Variants in ZCWPW1 observed in about 807,000 individuals in gnomAD.
ZCWPW1 encodes the protein zinc finger CW-type PWWP domain protein 1.
ZCWPW1 carries 56 observed loss-of-function variants against 81.3 expected under a neutral mutation model. That is an observed-to-expected ratio of 0.69 (90% confidence interval 0.56 to 0.86). ZCWPW1 has a LOEUF of 0.86. Ranked by LOEUF, ZCWPW1 falls within the 40% of genes least tolerant of loss-of-function variation. The pLI is 0.00. For missense variants in ZCWPW1, 650 were observed against 769.8 expected, an observed-to-expected ratio of 0.84 and a Z score of 1.84; for synonymous variants, 250 against 273.7, an observed-to-expected ratio of 0.91 and a Z score of 0.86.
chr7:100,405,742 G>C, intron 12 of ZCWPW1, among the ~76,000 whole-genome samples: 1 of 152,158 alleles, frequency 6.6e-6, no homozygotes, highest in African/African-American at 2.4e-5. Context: ...AGCAATTCTT[G>C]TGCCTCAGCC....
chr7:100,420,309 A>G (rs987876601), intron 3 of ZCWPW1, among the ~76,000 whole-genome samples: 1 of 152,216 alleles, frequency 6.6e-6, no homozygotes. Flanking sequence ...CTCCTCAATA[A>G]AAATTATAAT....
At chr7:100,426,125 T>G (rs557857659) in intron 1 of ZCWPW1, among the ~76,000 whole-genome samples, 1 of 152,336 alleles carries the variant, frequency 6.6e-6, no homozygotes, top group South Asian at 2.1e-4. Flanking sequence ...CTCAAATCCT[T>G]GGTCTAAGAG....
At chr7:100,401,486 G>C in intron 17 of ZCWPW1, 150 bp from the exon 18 acceptor site, 1 of 815,698 alleles carries the variant, frequency 1.2e-6, no homozygotes, top group Non-Finnish European at 1.8e-6. Context: ...GGATCAGAAA[G>C]AGAGTCAAGC....
chr7:100,406,294 C>T (rs190900635), intron 12 of ZCWPW1, among the ~76,000 whole-genome samples: 7 of 152,186 alleles, frequency 4.6e-5, no homozygotes, highest in Non-Finnish European at 8.8e-5. Flanking sequence ...GGTTAGATGC[C>T]GCTGGAGCCT....
chr7:100,423,132 A>T (rs1796640938), intron 2 of ZCWPW1, among the ~76,000 whole-genome samples: 1 of 152,224 alleles, frequency 6.6e-6, no homozygotes, highest in South Asian at 2.1e-4. Flanking sequence ...ACAGATAAAA[A>T]AAATATGCTA....
chr7:100,420,601 C>T, intron 3 of ZCWPW1, 21 bp downstream of exon 3: 1 of 1,613,950 alleles, frequency 6.2e-7, no homozygotes, highest in Non-Finnish European at 8.5e-7. Context: ...ATGAAGCGAA[C>T]CTCCCTCACT....
chr7:100,418,241 T>C (rs1795715067), intron 5 of ZCWPW1, among the ~76,000 whole-genome samples: 1 of 152,148 alleles, frequency 6.6e-6, no homozygotes, highest in Non-Finnish European at 1.5e-5. Context: ...GCAAAATCGG[T>C]ATTAGAAACT....
intron 6 of ZCWPW1, 38 bp from the exon 7 acceptor site, chr7:100,416,494 A>G: frequency 5.0e-6 from 8 of 1,606,328 alleles, no homozygotes; most frequent in Non-Finnish European, 6.8e-6. Context: ...AGGTAAAAAT[A>G]GAGCAATTGC....
chr7:100,406,996 C>T (rs572330431), intron 11 of ZCWPW1, among the ~76,000 whole-genome samples, 198 bp from the exon 12 acceptor site: 8 of 152,232 alleles, frequency 5.3e-5, no homozygotes, highest in East Asian at 3.9e-4. Flanking sequence ...CTAGCCAAAG[C>T]GTATTTATCA....
At chr7:100,414,357 TTA>T (rs895587978) in intron 8 of ZCWPW1, among the ~76,000 whole-genome samples, 3 of 152,318 alleles carry the variant, frequency 2.0e-5, no homozygotes, top group African/African-American at 7.2e-5. Context: ...TCTTTTTGTA[TTA>T]TGTTTTGTTT....
intron 1 of ZCWPW1, among the ~76,000 whole-genome samples, chr7:100,427,810 C>T (rs1797967006): frequency 6.6e-6 from 1 of 151,956 alleles, no homozygotes; most frequent in African/African-American, 2.4e-5. Context: ...CCTCTCTTCC[C>T]TCACCCCTTA....
In ZCWPW1 at chr7:100,402,431, G is replaced by A. The variant is rs201447962; in HGVS notation, c.1474+85C>T. On this transcript the variant is annotated intron_variant, in intron 16 of 17. Transcript: ENST00000684423. ...AGGTCCTGGCACTGAGATGGGCAGT[G>A]AGGTCCAGCTACCTGCAGACTCCCT... is the stretch of plus-strand genomic sequence containing the variant. The A allele has an allele frequency of 2.1e-4, 297 of 1,430,728 alleles. 2 individuals carry two copies. The highest frequency in any genetic ancestry group is 3.5e-4 in the Middle Eastern group (2 of 5,740). The allele number at this position is 1,430,728 out of a possible 1,614,324, so 88.6% of individuals were successfully genotyped here.
intron 10 of ZCWPW1, among the ~76,000 whole-genome samples, chr7:100,407,617 T>C (rs1307506834): frequency 6.6e-6 from 1 of 152,064 alleles, no homozygotes; most frequent in Admixed American, 6.6e-5. Flanking sequence ...GATCTCAAAC[T>C]CCTGGGTTCA....
rs965155931 is a variant in ZCWPW1 at position 100,420,637 on chromosome 7, A to G, written c.13T>C (p.Leu5=). 17 of 1,614,142 alleles carry G rather than the reference A, an allele frequency of 1.1e-5. No individual in the cohort carries two copies. The highest frequency in any genetic ancestry group is 1.4e-5 in the Non-Finnish European group (17 of 1,180,030). The change falls in exon 3 of 18, where the codon TTG becomes CTG. Residue 5 remains leucine (L), a synonymous_variant. Transcript: ENST00000684423. ...CTTGACTCACCTTCTTTATTCTGCAACGTTGTCATCATTCAGCTTAGAAAC... is the reference window on the plus strand; with the variant it reads ...CTTGACTCACCTTCTTTATTCTGCAGCGTTGTCATCATTCAGCTTAGAAAC... MMTT[L]QNKEECGKGP...
chr7:100,401,115 G>A lies in ZCWPW1; in HGVS notation c.1849C>T (p.Gln617Ter). Residue 617 changes from glutamine (Q) to a stop codon, truncating the protein, a stop_gained, in exon 18 of 18, where the codon CAA (glutamine) becomes TAA (stop). Coordinates refer to ENST00000684423, the MANE Select transcript of ZCWPW1 (RefSeq NM_001386010.1). LOFTEE classifies it low-confidence loss of function (END_TRUNC). ...DEASSDLDLE[Q>*]LMEDVGRELG... ...TCTCTCCCAACATCTTCCATGAGTT[G>A]CTCCAGGTCCAGGTCACTGGAGGCT... The A allele has an allele frequency of 6.2e-7, 1 of 1,614,222 alleles. No individual in the cohort carries two copies.
chr7:100,406,705 G>A lies in ZCWPW1; in HGVS notation c.1162C>T (p.Leu388=). 6.2e-7 allele frequency: 1 copy of A among 1,613,668 alleles called. No individual in the cohort carries two copies. The highest frequency in any genetic ancestry group is 8.5e-7 in the Non-Finnish European group (1 of 1,179,590). The change falls in exon 12 of 18, where the codon CTA becomes TTA. Residue 388 remains leucine, a synonymous_variant. Coordinates refer to ENST00000684423, the MANE Select transcript of ZCWPW1 (RefSeq NM_001386010.1). The part of the protein sequence containing the change: ...LKNFQELSLE[L]SVMKKRRNDC... ...CAAGATGTGCTCACCATGACTGATA[G>A]CTCCAGGGACAGCTCCTGGAAGTTC... is the stretch of plus-strand genomic sequence containing the variant.
At position 100,419,444 on chromosome 7, in the gene ZCWPW1, C is replaced by T. The variant is rs1795954588; in HGVS notation, c.282+186G>A. ...ACCCACCTCATCCCATTATTTCCTGCTCAATTCTTTCATCAAAACATTTTT... is the reference window on the plus strand; with the variant it reads ...ACCCACCTCATCCCATTATTTCCTGTTCAATTCTTTCATCAAAACATTTTT... On this transcript the variant is annotated intron_variant, in intron 4 of 17. Transcript: ENST00000684423. Among the ~76,000 whole-genome samples, 3 of 152,032 alleles carry T rather than the reference C, an allele frequency of 2.0e-5. No homozygotes were observed. In the South Asian group the frequency reaches 6.2e-4, roughly 32 times the overall value.
chr7:100,418,889 GT>G (rs760120130), intron 5 of ZCWPW1: 41 of 336,284 alleles, frequency 1.2e-4, no homozygotes, highest in Non-Finnish European at 2.0e-4. Context: ...TGAAGTCAAT[GT>G]AATCCACTTT....
At chr7:100,426,735 T>TCCTCCCCCTCCTTCTCTC (rs1320536667) in intron 1 of ZCWPW1, among the ~76,000 whole-genome samples, 1 of 119,908 alleles carries the variant, frequency 8.3e-6, no homozygotes, top group Non-Finnish European at 1.7e-5. Context: ...CTCCATCCCT[T>TCCTCCCCCTCCTTCTCTC]CCTCCCCCTC....
Sources: gnomAD v4.1 joint callset for allele counts (sites outside exome capture counted in the v4.1 genomes callset) on GRCh38, gnomAD v4.1.1 for gene constraint, MANE v1.5 for transcripts, NCBI Gene and HGNC (gene_info 2026-07-23, HGNC 2026-07-21) for gene names.